MAGEA11: variants seen among roughly 807,000 people sequenced by gnomAD.
MAGEA11 encodes the protein MAGE family member A11.
A neutral mutation model predicts 8.4 loss-of-function variants in MAGEA11; 1 was observed. That is an observed-to-expected ratio of 0.12 (90% CI 0.04 to 0.57). The LOEUF (loss-of-function observed/expected upper bound fraction) is 0.57. Ranked by LOEUF, MAGEA11 falls within the 20% of genes least tolerant of loss-of-function variation. The probability of loss-of-function intolerance (pLI) is 0.91; values close to 1 mark genes in which losing one functional copy is unlikely to be tolerated. For synonymous variants in MAGEA11, 127 were observed against 119.3 expected, an observed-to-expected ratio of 1.06 and a Z score of -0.42; for missense variants, 209 against 317.3, an observed-to-expected ratio of 0.66 and a Z score of 2.59.
upstream of MAGEA11, among the ~76,000 whole-genome samples, chrX:149,711,153 A>G (rs2090398531): frequency 8.9e-6 from 1 of 112,093 alleles, no homozygotes; most frequent in South Asian, 3.7e-4. Flanking sequence ...GTCAGTAAAT[A>G]AAGATTGGCT....
intron 1 of MAGEA11, among the ~76,000 whole-genome samples, chrX:149,693,192 T>C: frequency 8.9e-6 from 1 of 112,516 alleles, no homozygotes; most frequent in East Asian, 2.7e-4. Flanking sequence ...TTGTATTTTA[T>C]AATTTTTATT....
intron 1 of MAGEA11, among the ~76,000 whole-genome samples, chrX:149,690,866 G>A (rs1242751670): frequency 3.6e-5 from 4 of 111,264 alleles, no homozygotes; most frequent in Admixed American, 1.9e-4. Context: ...TTGCATTCCC[G>A]AAACAAAAGT....
At chrX:149,710,865 CA>C (rs1292066046), upstream of MAGEA11, among the ~76,000 whole-genome samples, 1 of 110,857 alleles carries the variant, frequency 9.0e-6, no homozygotes, top group Non-Finnish European at 1.9e-5. Flanking sequence ...CAAACAATAT[CA>C]AAAAAGAAAT....
intron 1 of MAGEA11, among the ~76,000 whole-genome samples, chrX:149,691,878 G>A (rs1360040465): frequency 1.8e-5 from 2 of 112,441 alleles, no homozygotes; most frequent in Non-Finnish European, 3.8e-5. Flanking sequence ...ATCTCTCATC[G>A]CTCAGAGATC....
At chrX:149,694,265 G>A (rs1602921119) in intron 1 of MAGEA11, among the ~76,000 whole-genome samples, 1 of 112,428 alleles carries the variant, frequency 8.9e-6, no homozygotes, top group East Asian at 2.8e-4. Flanking sequence ...TCTAGTGTAT[G>A]TAAAGTGGTA....
At chrX:149,706,121 A>T (rs1296604834) in intron 1 of MAGEA11, among the ~76,000 whole-genome samples, 1 of 111,761 alleles carries the variant, frequency 8.9e-6, no homozygotes, top group Non-Finnish European at 1.9e-5. Flanking sequence ...AGCCTAAGGC[A>T]CTATAGATGG....
chrX:149,689,782 C>T (rs960003905), intron 1 of MAGEA11, among the ~76,000 whole-genome samples: 2 of 112,804 alleles, frequency 1.8e-5, no homozygotes, highest in East Asian at 2.8e-4. Context: ...CTGATAGCCC[C>T]CAATCTTTTT....
At chrX:149,690,728 C>T (rs2090306722) in intron 1 of MAGEA11, among the ~76,000 whole-genome samples, 1 of 111,830 alleles carries the variant, frequency 8.9e-6, no homozygotes, top group Non-Finnish European at 1.9e-5. Flanking sequence ...TGCAGTTGCA[C>T]CTTCTAGGGC....
chrX:149,703,254 T>C (rs1301873930), intron 1 of MAGEA11, among the ~76,000 whole-genome samples: 1 of 112,727 alleles, frequency 8.9e-6, no homozygotes, highest in Admixed American at 9.4e-5. Context: ...AAGAGATTTA[T>C]ACTTGGAAAG....
chrX:149,711,821 G>C, upstream of MAGEA11: 2 of 751,107 alleles, frequency 2.7e-6, no homozygotes, highest in South Asian at 1.4e-4. Flanking sequence ...AGAGGACGGA[G>C]CTCCAGGCTC....
At chrX:149,714,288 A>G (rs2090416265) in intron 2 of MAGEA11, 193 bp from the exon 3 acceptor site, 4 of 567,959 alleles carry the variant, frequency 7.0e-6, no homozygotes, top group Non-Finnish European at 1.1e-5. Flanking sequence ...GTGTAAAGGG[A>G]TATGTCTGCT....
chrX:149,689,961 G>T (rs1557359995), intron 1 of MAGEA11, among the ~76,000 whole-genome samples: 3 of 111,997 alleles, frequency 2.7e-5, no homozygotes, highest in Admixed American at 9.4e-5. Flanking sequence ...ATCCCTCTGA[G>T]AATTTTGCAA....
chrX:149,714,827 TACCAAA>T (rs1300448380), intron 3 of MAGEA11, among the ~76,000 whole-genome samples: 1 of 111,237 alleles, frequency 9.0e-6, no homozygotes, highest in Non-Finnish European at 1.9e-5. Context: ...GGACAGCACT[TACCAAA>T]AACATGGGAC....
Position 149,703,856 on chromosome X carries a change from G to A in MAGEA11, c.10-10625G>A, listed in dbSNP as rs782624151. On this transcript the variant is annotated intron_variant, in intron 1 of 3. Coordinates refer to the MAGEA11 transcript ENST00000333104. ...AGGGCCAAACATTTTACATACAAGT[G>A]GCATGTTATATGATGCTCACATAAA... 1.7e-4 allele frequency among the ~76,000 whole-genome samples: 19 copies of A among 111,768 alleles called. No individual in the cohort carries two copies. The South Asian group carries it at 7.2e-3, about 42-fold the overall frequency.
In MAGEA11 at chrX:149,714,502, G is replaced by T. The variant is rs73640692; in HGVS notation, c.118G>T (p.Asp40Tyr). The T allele has an allele frequency of 3.9e-3, 4,761 of 1,209,367 alleles. 128 individuals are homozygous for T. In the African/African-American group the frequency reaches 0.074, roughly 19 times the overall value. Residue 40 changes from aspartate (D) to tyrosine (Y), a missense_variant, in exon 3 of 5, where the codon GAC (aspartate) becomes TAC (tyrosine). By Grantham distance (160) the Asp-to-Tyr change is radical. Coordinates refer to ENST00000355220, the MANE Select transcript of MAGEA11 (RefSeq NM_005366.5). ...GCAGGTGAGCACTATGTTCTCAGAG[G>T]ACGACTTCCAGTCAACAGAAAGAGC... ...GLQVSTMFSE[D>Y]DFQSTERAPY...
intron 1 of MAGEA11, among the ~76,000 whole-genome samples, chrX:149,703,828 A>G (rs2124292949): frequency 8.9e-6 from 1 of 112,265 alleles, no homozygotes; most frequent in South Asian, 3.8e-4. Context: ...TGACCACATT[A>G]TTAGGGCCAA....
Position 149,701,534 on chromosome X carries a change from G to A in MAGEA11, c.9+12550G>A, listed in dbSNP as rs1374122050. ...TGTAGGTTGCCTGTTCACTCTGATG[G>A]TAGTTTCTTTTGCTGTGCAGAAGCT... On this transcript the variant is annotated intron_variant, in intron 1 of 3. Coordinates refer to the MAGEA11 transcript ENST00000333104. 4.5e-3 allele frequency among the ~76,000 whole-genome samples: 488 copies of A among 108,626 alleles called. 5 individuals are homozygous for A. Among genetic ancestry groups the A allele is most frequent in the African/African-American group, 0.016 (471 of 29,815 alleles). 94.3% of individuals were successfully genotyped at this position (108,626 alleles called of 115,157 possible).
At chrX:149,695,403 A>T (rs1325910407) in intron 1 of MAGEA11, among the ~76,000 whole-genome samples, 1 of 111,005 alleles carries the variant, frequency 9.0e-6, no homozygotes, top group African/African-American at 3.3e-5. Flanking sequence ...TCCTCAAACT[A>T]AAAACAAAAA....
intron 1 of MAGEA11, among the ~76,000 whole-genome samples, chrX:149,701,082 G>A (rs782450413): frequency 1.6e-4 from 18 of 111,827 alleles, no homozygotes; most frequent in African/African-American, 5.2e-4. Context: ...TATATACCCA[G>A]TAATGGGATG....
Sources: gnomAD v4.1 joint callset for allele counts (sites outside exome capture counted in the v4.1 genomes callset) on GRCh38, gnomAD v4.1.1 for gene constraint, MANE v1.5 for transcripts, NCBI Gene and HGNC (gene_info 2026-07-23, HGNC 2026-07-21) for gene names.